PITHD1: variants seen among roughly 807,000 people sequenced by gnomAD.
PITHD1 encodes PITH domain-containing protein 1.
In PITHD1, 8 loss-of-function variants were observed where a neutral mutation model predicts 27.5. That is an observed-to-expected ratio of 0.29 (90% CI 0.17 to 0.52). The LOEUF (loss-of-function observed/expected upper bound fraction) is 0.52, where lower values mean the gene tolerates loss of function less well. PITHD1 is among the 20% of genes least tolerant of loss of function. The probability of loss-of-function intolerance (pLI) is 0.96; values close to 1 mark genes in which losing one functional copy is unlikely to be tolerated. For synonymous variants in PITHD1, 118 were observed against 106.8 expected (o/e 1.10, Z -0.64); for missense variants, 233 against 283.9 (o/e 0.82, Z 1.29).
At chr1:23,783,276 C>CATATATAT (rs780980817) in intron 3 of PITHD1, among the ~76,000 whole-genome samples, 3 of 148,320 alleles carry the variant, frequency 2.0e-5, no homozygotes, top group Non-Finnish European at 3.0e-5. Flanking sequence ...GGATCACAGG[C>CATATATAT]ACATGTGTGT....
chr1:23,786,737 C>T (rs1207983705), intron 5 of PITHD1, among the ~76,000 whole-genome samples: 2 of 151,342 alleles, frequency 1.3e-5, no homozygotes, highest in Non-Finnish European at 2.9e-5. Context: ...TTACAGGTGC[C>T]CACTCCCACG....
Position 23,778,624 on chromosome 1 carries a change from C to T in PITHD1, c.109C>T (p.Leu37=). The change falls in exon 1 of 6, where the codon CTG becomes TTG. Residue 37 remains leucine (L), a synonymous_variant. Transcript: ENST00000246151. ...CTACGGCCTGTACCTGCGCATCGAC[C>T]TGGAGCGGCTGCAATGCCTTAACGA... ...LAYGLYLRID[L]ERLQCLNESR... The T allele has an allele frequency of 5.3e-6, 7 of 1,332,810 alleles. No individual in the cohort carries two copies. The highest frequency in any genetic ancestry group is 2.0e-5 in the South Asian group (1 of 49,382). 82.6% of individuals were successfully genotyped at this position (1,332,810 alleles called of 1,614,324 possible). A position where few individuals can be genotyped will look rare whatever the true frequency, so the allele number is the denominator to read the frequency against.
intron 3 of PITHD1, among the ~76,000 whole-genome samples, chr1:23,781,967 G>A (rs913780920): frequency 1.3e-5 from 2 of 152,166 alleles, no homozygotes; most frequent in African/African-American, 4.8e-5. Context: ...TTTATCAAAT[G>A]TAAGATGTCA....
In PITHD1 at chr1:23,779,940, CTG is replaced by C. The variant is rs1192205025; in HGVS notation, c.320+1_320+2del. ...TGACTCACACCCCTCTGAGATGAGA[CTG>C]TAAGTGGCAAAGGCTTAGGCCCTCA... On this transcript the variant is annotated splice_donor_variant and coding_sequence_variant, in exon 3 of 6. Coordinates refer to ENST00000246151, the MANE Select transcript of PITHD1 (RefSeq NM_020362.5). LOFTEE classifies it high-confidence loss of function. 6.2e-7 allele frequency: 1 copy of C among 1,602,076 alleles called. No individual in the cohort carries two copies. The highest frequency in any genetic ancestry group is 1.3e-5 in the African/African-American group (1 of 74,710).
intron 3 of PITHD1, among the ~76,000 whole-genome samples, chr1:23,783,746 C>T (rs1570612676): frequency 6.6e-6 from 1 of 152,062 alleles, no homozygotes; most frequent in African/African-American, 2.4e-5. Context: ...TGAGCCACCA[C>T]GCCTGGCCCA....
chr1:23,783,225 C>T lies in PITHD1; in HGVS notation c.321-2450C>T, dbSNP rs571035472. Among the ~76,000 whole-genome samples, 6 of 150,988 alleles carry T rather than the reference C, an allele frequency of 4.0e-5. No homozygotes were observed. The East Asian group carries it at 1.2e-3, about 30-fold the overall frequency. On this transcript the variant is annotated intron_variant, in intron 3 of 5. Transcript: ENST00000246151. The stretch of plus-strand genomic sequence containing the variant: ...TGTTAGCAAGGATGGTCTCGATCTC[C>T]TGACCTTGTGATCCACCCACCTCAG...
rs147282326 is a variant in PITHD1 at position 23,780,657 on chromosome 1, G to A, written c.320+716G>A. On this transcript the variant is annotated intron_variant, in intron 3 of 5. Coordinates refer to ENST00000246151, the MANE Select transcript of PITHD1 (RefSeq NM_020362.5). ...AGCACTTTGGGAGGCTGAGGCGGGC[G>A]GATCACCTGAGGTTCGAGACCAGCC... Among the ~76,000 whole-genome samples, 247 of 151,512 alleles carry A rather than the reference G, an allele frequency of 1.6e-3. 3 individuals are homozygous for A. The highest frequency in any genetic ancestry group is 5.3e-3 in the African/African-American group (221 of 41,310).
rs1288063948 is a variant in PITHD1 at position 23,778,426 on chromosome 1, G to C, written c.-90G>C. Reference sequence around the variant, plus strand: ...GCAGGCGCGGCGCGCTTAGTTGCCGGAGCTGAACGGCGCGGAGCTGGTCTG... The same window carrying C: ...GCAGGCGCGGCGCGCTTAGTTGCCGCAGCTGAACGGCGCGGAGCTGGTCTG... On this transcript the variant is annotated 5_prime_UTR_variant, in exon 1 of 6. Transcript: ENST00000246151. 2 of 932,098 alleles carry C rather than the reference G, an allele frequency of 2.1e-6. No individual in the cohort carries two copies. Among genetic ancestry groups the C allele is most frequent in the East Asian group, 3.4e-5 (1 of 29,608 alleles). The allele number at this position is 932,098 out of a possible 1,614,324, so 57.7% of individuals were successfully genotyped here.
At chr1:23,779,413 C>A in intron 1 of PITHD1, 25 bp from the exon 2 acceptor site, 1 of 1,595,118 alleles carries the variant, frequency 6.3e-7, no homozygotes, top group Non-Finnish European at 8.6e-7. Flanking sequence ...GTTGCTTTCT[C>A]CTCCCCCCTC....
In PITHD1 at chr1:23,779,916, G is replaced by T; in HGVS notation, c.295G>T (p.Asp99Tyr). Residue 99 changes from aspartate to tyrosine, a missense_variant, in exon 3 of 6, where the codon GAC becomes TAC. Coordinates refer to ENST00000246151, the MANE Select transcript of PITHD1 (RefSeq NM_020362.5). ...KGIIIMGEDDDSHPSEMRLYK... is the reference protein window; with the variant it reads ...KGIIIMGEDDYSHPSEMRLYK... ...CATCATTATAATGGGAGAGGATGATGACTCACACCCCTCTGAGATGAGACT... is the reference window on the plus strand; with the variant it reads ...CATCATTATAATGGGAGAGGATGATTACTCACACCCCTCTGAGATGAGACT... 2 of 1,612,654 alleles carry T rather than the reference G, an allele frequency of 1.2e-6. No homozygotes were observed. The highest frequency in any genetic ancestry group is 2.2e-5 in the South Asian group (2 of 91,032).
chr1:23,786,348 A>C lies in PITHD1; in HGVS notation c.459A>C (p.Ser153=). 1 of 1,594,368 alleles carries C rather than the reference A, an allele frequency of 6.3e-7. No homozygotes were observed. The highest frequency in any genetic ancestry group is 8.6e-7 in the Non-Finnish European group (1 of 1,163,094). The change falls in exon 5 of 6, where the codon TCA becomes TCC. Residue 153 remains serine (S), a synonymous_variant. Transcript: ENST00000246151. ...ISRFSNVYHL[S]IHISKNFGAD... Reference sequence around the variant, plus strand: ...GTTTTTCAAATGTCTATCATCTCTCAATTCATATTTCAAAAAACTTCGGAG... The same window carrying C: ...GTTTTTCAAATGTCTATCATCTCTCCATTCATATTTCAAAAAACTTCGGAG...
chr1:23,779,421 C>T lies in PITHD1; in HGVS notation c.199-17C>T, dbSNP rs969871804. The stretch of plus-strand genomic sequence containing the variant: ...AATATTTGTTGCTTTCTCCTCCCCC[C>T]TCCCCATCCCCTCCAGTTTGTTGAA... On this transcript the variant is annotated splice_polypyrimidine_tract_variant and intron_variant, in intron 1 of 5. Transcript: ENST00000246151. The T allele has an allele frequency of 2.3e-5, 37 of 1,606,096 alleles. No individual in the cohort carries two copies. Among genetic ancestry groups the T allele is most frequent in the Non-Finnish European group, 2.9e-5 (34 of 1,172,832 alleles).
At chr1:23,787,208 A>ATG (rs1638698277) in intron 5 of PITHD1, 67 bp from the exon 6 acceptor site, 1 of 957,278 alleles carries the variant, frequency 1.0e-6, no homozygotes, top group Non-Finnish European at 1.7e-6. Flanking sequence ...GACTACCGCA[A>ATG]TGTGTGTGGT....
chr1:23,785,829 C>T (rs1305106501), intron 4 of PITHD1, 50 bp downstream of exon 4: 2 of 1,080,480 alleles, frequency 1.9e-6, no homozygotes, highest in East Asian at 2.4e-5. Flanking sequence ...ATAGGGCTTG[C>T]CATTTATTTT....
chr1:23,786,309 C>G lies in PITHD1; in HGVS notation c.426-6C>G, dbSNP rs778704478. 3 of 1,327,960 alleles carry G rather than the reference C, an allele frequency of 2.3e-6. No individual in the cohort carries two copies. The highest frequency in any genetic ancestry group is 2.2e-6 in the Non-Finnish European group (2 of 926,394). 82.3% of individuals were successfully genotyped at this position (1,327,960 alleles called of 1,614,324 possible). A position where few individuals can be genotyped will look rare whatever the true frequency, so the allele number is the denominator to read the frequency against. On this transcript the variant is annotated splice_region_variant and splice_polypyrimidine_tract_variant and intron_variant, in intron 4 of 5. Coordinates refer to ENST00000246151, the MANE Select transcript of PITHD1 (RefSeq NM_020362.5). The stretch of plus-strand genomic sequence containing the variant: ...ACCTTCTTTCCCTATTCCTGTCATC[C>G]TCTAGAATTTCTCGTTTTTCAAATG...
At chr1:23,786,783 G>T (rs1292265498) in intron 5 of PITHD1, among the ~76,000 whole-genome samples, 1 of 151,812 alleles carries the variant, frequency 6.6e-6, no homozygotes, top group East Asian at 1.9e-4. Context: ...GTAGAGACAG[G>T]GTTTCACCAT....
chr1:23,782,453 G>T (rs559598515), intron 3 of PITHD1, among the ~76,000 whole-genome samples: 1 of 152,018 alleles, frequency 6.6e-6, no homozygotes, highest in East Asian at 1.9e-4. Flanking sequence ...CACTGGGCTG[G>T]GCACAGTGGC....
chr1:23,785,492 CAAAAAAAAAA>C, intron 3 of PITHD1, among the ~76,000 whole-genome samples, 173 bp from the exon 4 acceptor site: 1 of 60,006 alleles, frequency 1.7e-5, no homozygotes, highest in South Asian at 5.7e-4. Context: ...GACTCTGTCT[CAAAAAAAAAA>C]AAAAAAAAGA....
rs1045853011 is a variant in PITHD1, at chr1:23,787,542, C to T, written c.*166C>T. 21 of 499,988 alleles carry T rather than the reference C, an allele frequency of 4.2e-5. No individual in the cohort carries two copies. The highest frequency in any genetic ancestry group is 4.1e-4 in the African/African-American group (21 of 51,342). 31.0% of individuals were successfully genotyped at this position (499,988 alleles called of 1,614,324 possible). The stretch of plus-strand genomic sequence containing the variant: ...AACCTGGCCTACGGAAGATACGACA[C>T]CACTGGGAGGGTTGTGTAGGTGCCA... On this transcript the variant is annotated 3_prime_UTR_variant, in exon 6 of 6. Transcript: ENST00000246151.
Sources: allele counts gnomAD v4.1 joint callset (sites outside exome capture counted in the v4.1 genomes callset), GRCh38; gene constraint gnomAD v4.1.1; transcripts MANE v1.5; gene names NCBI Gene and HGNC (gene_info 2026-07-23, HGNC 2026-07-21).